The following MAML3 variants were observed in gnomAD, a reference collection of about 807,000 sequenced individuals.
MAML3 encodes the protein mastermind like transcriptional coactivator 3.
A neutral mutation model predicts 101.9 loss-of-function variants in MAML3; 27 were observed. The observed-to-expected ratio is 0.27, with a 90% CI of 0.20 to 0.37. MAML3 has a LOEUF of 0.37. Ranked by LOEUF, MAML3 falls within the 10% of genes least tolerant of loss-of-function variation. The pLI, the probability that MAML3 is intolerant of heterozygous loss-of-function variation, is 1.00. For missense variants in MAML3, 1,316 were observed against 1,444.9 expected, an observed-to-expected ratio of 0.91 and a Z score of 1.45; for synonymous variants, 501 against 555.9, an observed-to-expected ratio of 0.90 and a Z score of 1.39.
At chr4:140,051,512 G>A (rs1727268139) in intron 1 of MAML3, among the ~76,000 whole-genome samples, 1 of 150,734 alleles carries the variant, frequency 6.6e-6, no homozygotes, top group Non-Finnish European at 1.5e-5. Context: ...AGCCGAAATC[G>A]AGCTACTGCA....
intron 2 of MAML3, among the ~76,000 whole-genome samples, chr4:139,753,387 T>TCTATC (rs34452187): frequency 6.6e-6 from 1 of 150,768 alleles, no homozygotes; most frequent in South Asian, 2.1e-4. Flanking sequence ...TATCTATCTA[T>TCTATC]TTTTTGTTAG....
intron 1 of MAML3, among the ~76,000 whole-genome samples, chr4:140,130,354 T>A (rs983779675): frequency 6.6e-6 from 1 of 152,218 alleles, no homozygotes; most frequent in East Asian, 1.9e-4. Context: ...CCCATAATTT[T>A]ATCTGCCCAA....
intron 2 of MAML3, among the ~76,000 whole-genome samples, chr4:139,841,739 G>A (rs1412991772): frequency 3.3e-5 from 5 of 152,212 alleles, no homozygotes; most frequent in Admixed American, 2.0e-4. Flanking sequence ...AAGAAACAAT[G>A]CTTTGTCTGA....
rs185853579 is a variant in MAML3, at chr4:139,782,122, A to T, written c.2080-51455T>A. Among the ~76,000 whole-genome samples the T allele has an allele frequency of 2.4e-3, 371 of 152,284 alleles. 1 individual carries two copies. The highest frequency in any genetic ancestry group is 8.3e-3 in the African/African-American group (346 of 41,544). Reference sequence around the variant, plus strand: ...ATCATGACGAGTCAAATCAGTTTTTAAAAAAATCAGCCAAACATTTTTCAA... The same window carrying T: ...ATCATGACGAGTCAAATCAGTTTTTTAAAAAATCAGCCAAACATTTTTCAA... On this transcript the variant is annotated intron_variant, in intron 2 of 4. Coordinates refer to ENST00000509479, the MANE Select transcript of MAML3 (RefSeq NM_018717.5).
intron 1 of MAML3, among the ~76,000 whole-genome samples, chr4:140,107,781 C>T (rs1357312266): frequency 6.6e-6 from 1 of 151,382 alleles, no homozygotes; most frequent in Non-Finnish European, 1.5e-5. Flanking sequence ...CTGGGATTAC[C>T]GGCATGAGCC....
rs114520951 is a variant in MAML3 at position 139,859,108 on chromosome 4, T to C, written c.2079+30249A>G. Among the ~76,000 whole-genome samples the C allele has an allele frequency of 9.9e-3, 1,512 of 152,232 alleles. 13 individuals are homozygous for C. Among genetic ancestry groups the C allele is most frequent in the Non-Finnish European group, 0.017 (1,165 of 68,018 alleles). On this transcript the variant is annotated intron_variant, in intron 2 of 4. Coordinates refer to ENST00000509479, the MANE Select transcript of MAML3 (RefSeq NM_018717.5). ...AACCACACTCAAAAGCACCTCAGGA[T>C]ACCAGGAGTTGCTAATATAGTTAGT...
intron 4 of MAML3, among the ~76,000 whole-genome samples, chr4:139,725,352 T>G (rs1728425416): frequency 6.6e-6 from 1 of 152,228 alleles, no homozygotes; most frequent in East Asian, 1.9e-4. Flanking sequence ...ACAAGATTTT[T>G]GCCCCTGTAG....
intron 2 of MAML3, among the ~76,000 whole-genome samples, chr4:139,745,825 T>C (rs1211701202): frequency 6.6e-6 from 1 of 152,226 alleles, no homozygotes; most frequent in Non-Finnish European, 1.5e-5. Context: ...AGTAGGTATA[T>C]ACTGTGAATA....
chr4:140,037,159 C>G (rs891788470), intron 1 of MAML3, among the ~76,000 whole-genome samples: 3 of 150,874 alleles, frequency 2.0e-5, no homozygotes, highest in African/African-American at 4.9e-5. Flanking sequence ...CACTAAGAAC[C>G]CTGATGTTTT....
intron 1 of MAML3, among the ~76,000 whole-genome samples, chr4:139,894,146 T>C (rs1271764158): frequency 6.6e-6 from 1 of 152,176 alleles, no homozygotes; most frequent in African/African-American, 2.4e-5. Flanking sequence ...ATAAAACTAA[T>C]GTGCAGATGC....
intron 2 of MAML3, among the ~76,000 whole-genome samples, chr4:139,742,357 C>G (rs886903304): frequency 3.9e-5 from 6 of 152,140 alleles, no homozygotes; most frequent in African/African-American, 1.2e-4. Context: ...CCGTGTTGGC[C>G]AGGCTGGTCT....
At chr4:140,083,706 C>T (rs1727899991) in intron 1 of MAML3, among the ~76,000 whole-genome samples, 1 of 152,114 alleles carries the variant, frequency 6.6e-6, no homozygotes, top group African/African-American at 2.4e-5. Flanking sequence ...TAAGTTTCCC[C>T]TGTATTAACT....
intron 1 of MAML3, among the ~76,000 whole-genome samples, chr4:139,922,318 T>C (rs1266015042): frequency 6.6e-6 from 1 of 152,140 alleles, no homozygotes. Context: ...TAAGCACTCA[T>C]ATTTAAAAAA....
intron 2 of MAML3, among the ~76,000 whole-genome samples, chr4:139,767,561 T>G (rs1188246240): frequency 6.6e-6 from 1 of 152,252 alleles, no homozygotes; most frequent in Non-Finnish European, 1.5e-5. Flanking sequence ...CAGGATTTGG[T>G]GAACATGTGT....
intron 1 of MAML3, among the ~76,000 whole-genome samples, chr4:139,952,921 G>A (rs1001459701): frequency 3.9e-5 from 6 of 152,274 alleles, no homozygotes; most frequent in East Asian, 3.9e-4. Flanking sequence ...GAAGGAGCTC[G>A]CTGCCTGTCC....
At chr4:139,832,191 A>G (rs1578622421) in intron 2 of MAML3, among the ~76,000 whole-genome samples, 2 of 120,428 alleles carry the variant, frequency 1.7e-5, no homozygotes, top group Admixed American at 2.1e-4. Context: ...TACAACCTCC[A>G]CCTCCCGGGT....
intron 2 of MAML3, among the ~76,000 whole-genome samples, chr4:139,823,691 C>G (rs1731014273): frequency 6.6e-6 from 1 of 151,760 alleles, no homozygotes. Flanking sequence ...GCACTTATAA[C>G]TGTCTAACAT....
chr4:139,972,576 T>C (rs1734250068), intron 1 of MAML3, among the ~76,000 whole-genome samples: 1 of 152,140 alleles, frequency 6.6e-6, no homozygotes, highest in African/African-American at 2.4e-5. Flanking sequence ...TGCCACCAAA[T>C]AACAGTAATA....
chr4:139,893,107 C>T (rs957951206), intron 1 of MAML3, among the ~76,000 whole-genome samples: 1 of 152,124 alleles, frequency 6.6e-6, no homozygotes, highest in Non-Finnish European at 1.5e-5. Flanking sequence ...GGTGCTGATA[C>T]TCCGGTTTCT....
Sources: gnomAD v4.1 joint callset for allele counts (sites outside exome capture counted in the v4.1 genomes callset) on GRCh38, gnomAD v4.1.1 for gene constraint, MANE v1.5 for transcripts, NCBI Gene and HGNC (gene_info 2026-07-23, HGNC 2026-07-21) for gene names.